ZNF721: variants seen among roughly 807,000 people sequenced by gnomAD.
ZNF721 encodes the protein zinc finger protein 721.
Under a neutral mutation model 2.4 loss-of-function variants are expected in ZNF721, and 2 were observed. The ratio of observed to expected loss-of-function variants is 0.82; its 90% CI spans 0.34 to 2.58. The LOEUF is 2.58. Ranked by LOEUF, ZNF721 falls within the 30% of genes most tolerant of loss-of-function variation. ZNF721 has a pLI of 0.11. For missense variants in ZNF721, 1,187 were observed against 1,085.5 expected, an observed-to-expected ratio of 1.09 and a Z score of -1.31; for synonymous variants, 398 against 381.8, an observed-to-expected ratio of 1.04 and a Z score of -0.50.
chr4:498,035 T>C (rs1716333772), intron 1 of ZNF721, among the ~76,000 whole-genome samples: 1 of 150,464 alleles, frequency 6.6e-6, no homozygotes, highest in South Asian at 2.1e-4. Context: ...TGAAACCCCG[T>C]CTCAACTAAA....
intron 1 of ZNF721, among the ~76,000 whole-genome samples, chr4:489,850 G>C (rs1715979942): frequency 6.6e-6 from 1 of 152,048 alleles, no homozygotes; most frequent in South Asian, 2.1e-4. Flanking sequence ...AATATTTTGG[G>C]TTTTTAAATT....
rs369761887 is a variant in ZNF721, at chr4:442,243, C to T, written c.2224G>A (p.Glu742Lys). The T allele has an allele frequency of 1.3e-5, 21 of 1,612,906 alleles. No homozygotes were observed. Among genetic ancestry groups the T allele is most frequent in the South Asian group, 6.6e-5 (6 of 91,028 alleles). ...RSFGWSTNLN[E>K]YKKIHTGDKL... ...TCTCCAGTATGAATTTTCTTATATTCGTTCAGGTTTGTGGACCATCCAAAG... is the reference window on the plus strand; with the variant it reads ...TCTCCAGTATGAATTTTCTTATATTTGTTCAGGTTTGTGGACCATCCAAAG... The change falls in exon 3 of 3, where the codon GAA becomes AAA. Residue 742 changes from glutamate to lysine, a missense_variant. By Grantham distance (56) the Glu-to-Lys change is moderately conservative (BLOSUM62 1). Transcript: ENST00000511833.
At chr4:497,614 C>T (rs1228325759) in intron 1 of ZNF721, among the ~76,000 whole-genome samples, 6 of 151,834 alleles carry the variant, frequency 4.0e-5, no homozygotes, top group African/African-American at 1.5e-4. Flanking sequence ...CCGGACAGGG[C>T]GCGGTGTCTC....
chr4:486,177 T>G (rs75950253), intron 1 of ZNF721, among the ~76,000 whole-genome samples: 2 of 121,682 alleles, frequency 1.6e-5, no homozygotes, highest in Non-Finnish European at 3.7e-5. Context: ...TTTTTTTTTT[T>G]GAGACGGAGT....
chr4:489,444 GGGAAGAGAGCC>G (rs1553871112), intron 1 of ZNF721, among the ~76,000 whole-genome samples: 18 of 152,178 alleles, frequency 1.2e-4, no homozygotes, highest in Non-Finnish European at 2.2e-4. Flanking sequence ...TCCTGGTCAT[GGGAAGAGAGCC>G]CAGACCTGGC....
chr4:445,319 C>T (rs1267624334), intron 2 of ZNF721, among the ~76,000 whole-genome samples: 1 of 151,996 alleles, frequency 6.6e-6, no homozygotes, highest in African/African-American at 2.4e-5. Flanking sequence ...TGAAGAAACC[C>T]TTTTAACTAA....
At chr4:454,694 G>A (rs782414484) in intron 2 of ZNF721, among the ~76,000 whole-genome samples, 2 of 152,142 alleles carry the variant, frequency 1.3e-5, no homozygotes, top group African/African-American at 2.4e-5. Flanking sequence ...AACTGAGGCC[G>A]AATGTGGAGG....
intron 1 of ZNF721, among the ~76,000 whole-genome samples, chr4:479,683 C>G (rs1469683247): frequency 1.3e-5 from 2 of 152,168 alleles, no homozygotes; most frequent in South Asian, 2.1e-4. Flanking sequence ...CTGCAGTTGC[C>G]CTCCAAAACT....
intron 2 of ZNF721, among the ~76,000 whole-genome samples, chr4:463,209 C>T (rs958667615): frequency 1.1e-4 from 17 of 152,214 alleles, no homozygotes; most frequent in African/African-American, 3.9e-4. Context: ...CAATAAGATA[C>T]CATCTTATGC....
rs531866649 is a variant in ZNF721, at chr4:466,944, C to T, written c.34+5631G>A. On this transcript the variant is annotated intron_variant, in intron 2 of 2. Transcript: ENST00000511833. ...TTTAAAAGGATGCGGCTTGGCCGGG[C>T]GCGGTGGCTCACGCCTGTAATCCCA... Among the ~76,000 whole-genome samples the T allele has an allele frequency of 3.3e-5, 5 of 152,292 alleles. No homozygotes were observed. In the South Asian group the frequency reaches 8.3e-4, roughly 25 times the overall value.
Position 441,941 on chromosome 4 carries a change from A to G in ZNF721, c.2526T>C (p.Cys842=). 2 of 1,613,964 alleles carry G rather than the reference A, an allele frequency of 1.2e-6. No individual in the cohort carries two copies. Among genetic ancestry groups the G allele is most frequent in the Non-Finnish European group, 1.7e-6 (2 of 1,179,918 alleles). Reference sequence around the variant, plus strand: ...TTGCTGACTGTCTAAAGGCTTTGCCACATTCTTCACATGTGTAGGGTTTCT... The same window carrying G: ...TTGCTGACTGTCTAAAGGCTTTGCCGCATTCTTCACATGTGTAGGGTTTCT... ...TGEKPYTCEE[C]GKAFRQSAIL... Residue 842 remains cysteine (C), a synonymous_variant, in exon 3 of 3, where the codon TGT becomes TGC. Transcript: ENST00000511833.
intron 1 of ZNF721, among the ~76,000 whole-genome samples, chr4:480,991 T>G (rs1410196259): frequency 1.3e-5 from 2 of 152,124 alleles, no homozygotes; most frequent in African/African-American, 4.8e-5. Context: ...GGTGTGATAA[T>G]GGTCACTGCA....
At chr4:446,979 C>G (rs1328801965) in intron 2 of ZNF721, among the ~76,000 whole-genome samples, 1 of 152,160 alleles carries the variant, frequency 6.6e-6, no homozygotes, top group African/African-American at 2.4e-5. Context: ...AGTCACCGCG[C>G]CTGGCTGAGG....
At chr4:473,727 TCTC>T (rs1244001392) in intron 1 of ZNF721, among the ~76,000 whole-genome samples, 1 of 152,064 alleles carries the variant, frequency 6.6e-6, no homozygotes, top group Non-Finnish European at 1.5e-5. Flanking sequence ...CCGATGAGCT[TCTC>T]CTCACCCCAC....
At chr4:474,478 A>C (rs1553868302) in intron 1 of ZNF721, among the ~76,000 whole-genome samples, 1 of 152,166 alleles carries the variant, frequency 6.6e-6, no homozygotes, top group Non-Finnish European at 1.5e-5. Context: ...AAATGGAAAC[A>C]ATATAGTGAC....
intron 2 of ZNF721, among the ~76,000 whole-genome samples, chr4:452,617 G>C (rs372004938): frequency 6.6e-6 from 1 of 152,202 alleles, no homozygotes; most frequent in East Asian, 1.9e-4. Context: ...AGAACTGCAA[G>C]TAGCTGTCCT....
intron 2 of ZNF721, among the ~76,000 whole-genome samples, chr4:457,782 C>T (rs1714891456): frequency 6.6e-6 from 1 of 152,134 alleles, no homozygotes; most frequent in Non-Finnish European, 1.5e-5. Flanking sequence ...GAATTTTTTC[C>T]TAACCTGGGA....
chr4:472,445 T>C (rs1405631905), intron 2 of ZNF721, 130 bp downstream of exon 2: 18 of 992,212 alleles, frequency 1.8e-5, no homozygotes, highest in Admixed American at 5.9e-5. Flanking sequence ...ACTATACACA[T>C]ATATAACTTA....
intron 2 of ZNF721, among the ~76,000 whole-genome samples, chr4:464,443 T>G (rs1715173663): frequency 7.7e-6 from 1 of 129,334 alleles, no homozygotes; most frequent in African/African-American, 3.0e-5. Context: ...CACTCCAGCC[T>G]GGGCTACAGA....
Sources: gnomAD v4.1 joint callset for allele counts (sites outside exome capture counted in the v4.1 genomes callset) on GRCh38, gnomAD v4.1.1 for gene constraint, MANE v1.5 for transcripts, NCBI Gene and HGNC (gene_info 2026-07-23, HGNC 2026-07-21) for gene names.